NCOA5: variants seen among roughly 807,000 people sequenced by gnomAD.
The protein encoded by NCOA5 is NCoA-5.
Under a neutral mutation model 59.0 loss-of-function variants are expected in NCOA5, and 12 were observed. That is an observed-to-expected ratio of 0.20 (90% CI 0.13 to 0.33). NCOA5 has a LOEUF of 0.33. NCOA5 is among the 10% of genes least tolerant of loss of function. The pLI, the probability that NCOA5 is intolerant of heterozygous loss-of-function variation, is 1.00. For synonymous variants in NCOA5, 270 were observed against 275.5 expected (o/e 0.98, Z 0.20); for missense variants, 655 against 766.6 (o/e 0.85, Z 1.72).
rs762007158 is a variant in NCOA5, at chr20:46,062,831, T to A, written c.1209A>T (p.Pro403=). The stretch of plus-strand genomic sequence containing the variant: ...GGCCGCTCTGGAGCGGTTGGGAGCT[T>A]GGCTGTGTCTTCAGCGAGGCACCCG... ...ATSGASLKTQ[P]SSQPLQSGQV... The change falls in exon 8 of 8, where the codon CCA becomes CCT. Residue 403 remains proline, a synonymous_variant. Coordinates refer to ENST00000290231, the MANE Select transcript of NCOA5 (RefSeq NM_020967.3). 7.7e-5 allele frequency: 118 copies of A among 1,536,232 alleles called. No individual in the cohort carries two copies. Among genetic ancestry groups the A allele is most frequent in the Non-Finnish European group, 8.9e-5 (102 of 1,141,848 alleles).
intron 1 of NCOA5, among the ~76,000 whole-genome samples, chr20:46,081,034 T>C (rs894112817): frequency 6.6e-6 from 1 of 152,146 alleles, no homozygotes; most frequent in Non-Finnish European, 1.5e-5. Context: ...TCACTTACTG[T>C]GTACCACTTT....
At chr20:46,078,190 T>C (rs928899813) in intron 2 of NCOA5, among the ~76,000 whole-genome samples, 8 of 152,194 alleles carry the variant, frequency 5.3e-5, no homozygotes, top group Admixed American at 1.3e-4. Context: ...TTACTTGCCC[T>C]TAGGGTCTGC....
intron 6 of NCOA5, 47 bp from the exon 7 acceptor site, chr20:46,063,727 A>G: frequency 1.3e-6 from 2 of 1,554,592 alleles, no homozygotes; most frequent in Non-Finnish European, 1.8e-6. Context: ...GACATATTTA[A>G]GTGCCCACCT....
intron 2 of NCOA5, among the ~76,000 whole-genome samples, chr20:46,071,417 A>G (rs2084881871): frequency 6.6e-6 from 1 of 152,172 alleles, no homozygotes; most frequent in Non-Finnish European, 1.5e-5. Flanking sequence ...CAATAAAGTC[A>G]CTTGTGTCCC....
At chr20:46,073,274 T>G (rs751668253) in intron 2 of NCOA5, among the ~76,000 whole-genome samples, 25 of 152,202 alleles carry the variant, frequency 1.6e-4, no homozygotes, top group Non-Finnish European at 3.5e-4. Flanking sequence ...AAAAACAATT[T>G]AAATGCCAAT....
Position 46,065,021 on chromosome 20 carries a change from C to T in NCOA5, c.829+8G>A. 6.2e-7 allele frequency: 1 copy of T among 1,614,024 alleles called. No homozygotes were observed. Among genetic ancestry groups the T allele is most frequent in the Non-Finnish European group, 8.5e-7 (1 of 1,179,986 alleles). ...CTAGTGACTACCTCCGGTATTCTGA[C>T]TCTGTACCTTGCGGGGTTCCAAACA... On this transcript the variant is annotated splice_region_variant and intron_variant, in intron 6 of 7. Transcript: ENST00000290231.
rs148898880 is a variant in NCOA5 at position 46,062,674 on chromosome 20, C to G, written c.1366G>C (p.Ala456Pro). The part of the protein sequence containing the change: ...ANSSSASPSV[A>P]AGNTPNQNFS... ...TTCTGGTTTGGGGTGTTTCCGGCAG[C>G]AACCGAGGGGGATGCAGAGCTGCTA... The change falls in exon 8 of 8, where the codon GCT (alanine) becomes CCT (proline). Residue 456 changes from alanine (A) to proline (P), a missense_variant. Transcript: ENST00000290231. 60 of 1,614,064 alleles carry G rather than the reference C, an allele frequency of 3.7e-5. No homozygotes were observed. In the African/African-American group the frequency reaches 7.9e-4, roughly 21 times the overall value.
At position 46,089,960 on chromosome 20, in the gene NCOA5, A is replaced by C. The variant is rs1487159522; in HGVS notation, c.-173T>G. The C allele has an allele frequency of 6.6e-6, 1 of 152,062 alleles. No individual in the cohort carries two copies. Among genetic ancestry groups the C allele is most frequent in the Non-Finnish European group, 1.5e-5 (1 of 68,016 alleles). 9.4% of individuals were successfully genotyped at this position (152,062 alleles called of 1,614,324 possible). On this transcript the variant is annotated 5_prime_UTR_variant, in exon 1 of 8. Coordinates refer to ENST00000290231, the MANE Select transcript of NCOA5 (RefSeq NM_020967.3). ...ACGAGGCAATGGCGGCCGGGCGGAGAGTGGAGATGGGGGCAGAGGGCGCGC... is the reference window on the plus strand; with the variant it reads ...ACGAGGCAATGGCGGCCGGGCGGAGCGTGGAGATGGGGGCAGAGGGCGCGC...
intron 1 of NCOA5, among the ~76,000 whole-genome samples, chr20:46,084,161 T>C (rs1163892018): frequency 6.6e-6 from 1 of 152,220 alleles, no homozygotes; most frequent in Non-Finnish European, 1.5e-5. Context: ...TTTACAACTC[T>C]TGGAATTAAA....
chr20:46,087,190 G>A lies in NCOA5; in HGVS notation c.-30+2627C>T, dbSNP rs1344033957. On this transcript the variant is annotated intron_variant, in intron 1 of 7. Transcript: ENST00000290231. The stretch of plus-strand genomic sequence containing the variant: ...TCATTACTACACTAAGAGTAACAGT[G>A]ACTTCAGGAATAGACGTTTCATTCT... Among the ~76,000 whole-genome samples, 6 of 152,186 alleles carry A rather than the reference G, an allele frequency of 3.9e-5. No individual in the cohort carries two copies. In the East Asian group the frequency reaches 1.2e-3, roughly 29 times the overall value.
At chr20:46,076,682 A>G (rs532688155) in intron 2 of NCOA5, among the ~76,000 whole-genome samples, 23 of 152,076 alleles carry the variant, frequency 1.5e-4, no homozygotes, top group African/African-American at 5.1e-4. Context: ...ATGGAACTTC[A>G]TCATGTTAAA....
Position 46,070,302 on chromosome 20 carries a change from A to G in NCOA5, c.273T>C (p.Arg91=), listed in dbSNP as rs368605545. The change falls in exon 3 of 8, where the codon CGT becomes CGC. Residue 91 remains arginine (R), a synonymous_variant. Coordinates refer to ENST00000290231, the MANE Select transcript of NCOA5 (RefSeq NM_020967.3). ...GAAAATCCCTAGAGTCTCTTAGATC[A>G]CGAAAGTCTCTAAGATCCCTCACGT... ...VRDVRDLRDF[R]DLRDSRDFRD... 20 of 1,613,928 alleles carry G rather than the reference A, an allele frequency of 1.2e-5. No homozygotes were observed. The highest frequency in any genetic ancestry group is 1.6e-5 in the Non-Finnish European group (19 of 1,179,952).
chr20:46,078,125 A>T (rs1476790146), intron 2 of NCOA5, among the ~76,000 whole-genome samples: 1 of 152,190 alleles, frequency 6.6e-6, no homozygotes, highest in Non-Finnish European at 1.5e-5. Flanking sequence ...ATTGGATTCA[A>T]CTCTGCTGCA....
intron 2 of NCOA5, among the ~76,000 whole-genome samples, chr20:46,078,817 C>T (rs1393698173): frequency 1.3e-5 from 2 of 152,124 alleles, no homozygotes; most frequent in African/African-American, 2.4e-5. Flanking sequence ...AAAACACCCT[C>T]GATTTCCGTG....
intron 6 of NCOA5, among the ~76,000 whole-genome samples, chr20:46,064,066 G>T (rs1482839005): frequency 6.6e-6 from 1 of 152,104 alleles, no homozygotes; most frequent in Non-Finnish European, 1.5e-5. Flanking sequence ...TGGAAAGCAG[G>T]GCTCTCCACT....
At chr20:46,087,129 G>A (rs2085053616) in intron 1 of NCOA5, among the ~76,000 whole-genome samples, 1 of 152,166 alleles carries the variant, frequency 6.6e-6, no homozygotes, top group South Asian at 2.1e-4. Flanking sequence ...CAATGATTTA[G>A]TATTTACCAT....
chr20:46,071,475 G>A (rs985295027), intron 2 of NCOA5, among the ~76,000 whole-genome samples: 15 of 152,204 alleles, frequency 9.9e-5, no homozygotes, highest in African/African-American at 3.6e-4. Flanking sequence ...TCCAATCCAA[G>A]CCCTTATTTC....
intron 6 of NCOA5, among the ~76,000 whole-genome samples, chr20:46,064,375 G>A (rs1233771604): frequency 6.6e-6 from 1 of 152,200 alleles, no homozygotes; most frequent in African/African-American, 2.4e-5. Flanking sequence ...TAAGAGTGAG[G>A]AGCAGGGTAT....
intron 1 of NCOA5, among the ~76,000 whole-genome samples, chr20:46,083,983 T>C (rs2085020192): frequency 6.6e-6 from 1 of 152,234 alleles, no homozygotes; most frequent in Admixed American, 6.5e-5. Flanking sequence ...ATATATTTGA[T>C]TATCTCCTTT....
Sources: allele counts gnomAD v4.1 joint callset (sites outside exome capture counted in the v4.1 genomes callset), GRCh38; gene constraint gnomAD v4.1.1; transcripts MANE v1.5; gene names NCBI Gene and HGNC (gene_info 2026-07-23, HGNC 2026-07-21).